Variants in SAMD7 observed in about 807,000 individuals in gnomAD.
The protein encoded by SAMD7 is sterile alpha motif domain-containing protein 7.
In SAMD7, 34 loss-of-function variants were observed where a neutral mutation model predicts 36.7. The observed-to-expected ratio is 0.93, with a 90% CI of 0.71 to 1.23. The LOEUF (loss-of-function observed/expected upper bound fraction) is 1.23, where lower values mean the gene tolerates loss of function less well. Among genes scored for constraint, SAMD7 ranks in the 50% most tolerant of loss-of-function variants. The pLI is 0.00. For synonymous variants in SAMD7, 188 were observed against 189.7 expected (o/e 0.99, Z 0.07); for missense variants, 570 against 546.6 (o/e 1.04, Z -0.43).
At position 169,927,033 on chromosome 3, in the gene SAMD7, C is replaced by G. The variant is rs1463548846; in HGVS notation, c.771C>G (p.Pro257=). Residue 257 remains proline (P), a synonymous_variant, in exon 6 of 9, where the codon CCC becomes CCG. Coordinates refer to ENST00000335556, the MANE Select transcript of SAMD7 (RefSeq NM_001304366.2). ...CCAACACCTGTGGAGAGCTCGAGCC[C>G]ACCCATAGGAAACCCTGGGGGTCTC... ...ALANTCGELE[P]THRKPWGSHT... 1 of 1,612,764 alleles carries G rather than the reference C, an allele frequency of 6.2e-7. No individual in the cohort carries two copies. Among genetic ancestry groups the G allele is most frequent in the South Asian group, 1.1e-5 (1 of 90,992 alleles).
At chr3:169,932,974 C>G (rs1455329472) in intron 7 of SAMD7, 1 of 705,758 alleles carries the variant, frequency 1.4e-6, no homozygotes, top group Non-Finnish European at 2.7e-6. Flanking sequence ...ATGAAAGAAG[C>G]ATTCTTTCCC....
chr3:169,916,671 G>T (rs1383311441), intron 2 of SAMD7, among the ~76,000 whole-genome samples: 1 of 152,068 alleles, frequency 6.6e-6, no homozygotes, highest in Admixed American at 6.6e-5. Context: ...AAACAAAATA[G>T]AGCCTGTAAC....
Position 169,926,893 on chromosome 3 carries a change from G to C in SAMD7, c.631G>C (p.Gly211Arg). ...SKSQAEEKIL[G>R]QTHAVPYEED... ...AAGTCAAGCAGAAGAAAAAATCCTAGGTCAGACTCATGCAGTTCCCTATGA... is the reference window on the plus strand; with the variant it reads ...AAGTCAAGCAGAAGAAAAAATCCTACGTCAGACTCATGCAGTTCCCTATGA... The change falls in exon 6 of 9, where the codon GGT becomes CGT. Residue 211 changes from glycine (G) to arginine (R), a missense_variant. Transcript: ENST00000335556. 1.9e-6 allele frequency: 3 copies of C among 1,613,802 alleles called. No individual in the cohort carries two copies. The Middle Eastern group carries it at 4.9e-4, about 266-fold the overall frequency.
At chr3:169,920,158 G>C (rs947040682) in intron 3 of SAMD7, among the ~76,000 whole-genome samples, 1 of 152,190 alleles carries the variant, frequency 6.6e-6, no homozygotes, top group Admixed American at 6.5e-5. Flanking sequence ...TGGGCAACAA[G>C]AGCGAAACTC....
At chr3:169,930,088 C>T (rs961134595) in intron 7 of SAMD7, among the ~76,000 whole-genome samples, 1 of 152,176 alleles carries the variant, frequency 6.6e-6, no homozygotes, top group African/African-American at 2.4e-5. Context: ...CTTAGTGATC[C>T]ATAGTCAGAA....
rs767406753 is a variant in SAMD7 at position 169,928,641 on chromosome 3, T to C, written c.1041+63T>C. ...AGTTTGAAATATCTTTCCTGCATAA[T>C]GAATTAGGTCAAACTTGCATTGTGC... On this transcript the variant is annotated intron_variant, in intron 7 of 8. Transcript: ENST00000335556. The C allele has an allele frequency of 2.6e-6, 4 of 1,536,646 alleles. No homozygotes were observed. The East Asian group carries it at 9.1e-5, about 35-fold the overall frequency.
intron 7 of SAMD7, among the ~76,000 whole-genome samples, chr3:169,935,755 C>T (rs542310444): frequency 1.3e-5 from 2 of 152,314 alleles, no homozygotes. Context: ...TGTCCACCAG[C>T]AGCCTTCCTG....
chr3:169,936,848 G>A (rs9836773), intron 8 of SAMD7, among the ~76,000 whole-genome samples: 34,115 of 151,530 alleles, frequency 0.23, 3,924 homozygotes, highest in East Asian at 0.3. Context: ...TCCTCGCTCC[G>A]GGCCCATGAC....
intron 5 of SAMD7, 31 bp downstream of exon 5, chr3:169,925,167 CTATT>C: frequency 7.1e-7 from 1 of 1,417,176 alleles, no homozygotes; most frequent in Non-Finnish European, 9.9e-7. Context: ...TATTTATTCT[CTATT>C]CATTCACTTG....
At chr3:169,930,523 T>C (rs990687099) in intron 7 of SAMD7, among the ~76,000 whole-genome samples, 54 of 151,842 alleles carry the variant, frequency 3.6e-4, no homozygotes, top group African/African-American at 1.3e-3. Context: ...CAAGGACGCT[T>C]GTCTAAAATG....
chr3:169,928,966 G>A (rs1713384253), intron 7 of SAMD7, among the ~76,000 whole-genome samples: 1 of 152,060 alleles, frequency 6.6e-6, no homozygotes, highest in South Asian at 2.1e-4. Flanking sequence ...AGAAGTTTTA[G>A]GTTACTCACT....
chr3:169,936,465 A>G lies in SAMD7; in HGVS notation c.1152+16A>G. ...TCAGTCACAGGTATGGTGATTTTAT[A>G]TAACTAATTATGTATTAATGGCACA... is the stretch of plus-strand genomic sequence containing the variant. On this transcript the variant is annotated intron_variant, in intron 8 of 8. Transcript: ENST00000335556. The G allele has an allele frequency of 3.1e-5, 41 of 1,320,026 alleles. No homozygotes were observed. The highest frequency in any genetic ancestry group is 4.3e-5 in the Non-Finnish European group (39 of 914,730). The allele number at this position is 1,320,026 out of a possible 1,614,324, so 81.8% of individuals were successfully genotyped here. A position where few individuals can be genotyped will look rare whatever the true frequency, so the allele number is the denominator to read the frequency against.
intron 3 of SAMD7, among the ~76,000 whole-genome samples, chr3:169,920,857 C>A (rs927783676): frequency 6.6e-6 from 1 of 152,146 alleles, no homozygotes; most frequent in Non-Finnish European, 1.5e-5. Context: ...TAAACCCAAC[C>A]AAAGTATGTC....
At position 169,925,212 on chromosome 3, in the gene SAMD7, C is replaced by T. The variant is rs1713208129; in HGVS notation, c.290+76C>T. The T allele has an allele frequency of 7.9e-6, 7 of 884,120 alleles. No homozygotes were observed. The Admixed American group carries it at 1.6e-4, about 20-fold the overall frequency. 54.8% of individuals were successfully genotyped at this position (884,120 alleles called of 1,614,324 possible). On this transcript the variant is annotated intron_variant, in intron 5 of 8. Coordinates refer to ENST00000335556, the MANE Select transcript of SAMD7 (RefSeq NM_001304366.2). ...TTATTCACTTGTTATCTTCATATAA[C>T]AAATGAATAGATGAATATATATAAC...
chr3:169,930,327 C>T (rs1170880289), intron 7 of SAMD7, among the ~76,000 whole-genome samples: 1 of 152,106 alleles, frequency 6.6e-6, no homozygotes, highest in Non-Finnish European at 1.5e-5. Context: ...AGGATCAAGT[C>T]CTGCTTTAGT....
intron 2 of SAMD7, among the ~76,000 whole-genome samples, chr3:169,917,898 C>T (rs1262736215): frequency 6.6e-6 from 1 of 151,668 alleles, no homozygotes; most frequent in Non-Finnish European, 1.5e-5. Flanking sequence ...GCCTCGGCCT[C>T]CCAAAATGCT....
At chr3:169,924,460 G>A (rs1314512770) in intron 4 of SAMD7, among the ~76,000 whole-genome samples, 4 of 152,122 alleles carry the variant, frequency 2.6e-5, no homozygotes, top group East Asian at 1.9e-4. Context: ...GGTGGCATGC[G>A]CCTGTAATCC....
chr3:169,913,150 T>G (rs1439462955), intron 1 of SAMD7, among the ~76,000 whole-genome samples: 1 of 152,248 alleles, frequency 6.6e-6, no homozygotes, highest in Non-Finnish European at 1.5e-5. Flanking sequence ...TTAATTCTAC[T>G]GATCTACTTT....
chr3:169,921,369 G>A, intron 4 of SAMD7, 31 bp downstream of exon 4: 1 of 1,605,752 alleles, frequency 6.2e-7, no homozygotes, highest in Non-Finnish European at 8.5e-7. Flanking sequence ...GCTCTCATCT[G>A]TGGAGTCATT....
Sources: gnomAD v4.1 joint callset for allele counts (sites outside exome capture counted in the v4.1 genomes callset) on GRCh38, gnomAD v4.1.1 for gene constraint, MANE v1.5 for transcripts, NCBI Gene and HGNC (gene_info 2026-07-23, HGNC 2026-07-21) for gene names.